The following PGD variants were observed in gnomAD, a reference collection of about 807,000 sequenced individuals.
The protein encoded by PGD is 6-phosphogluconate dehydrogenase, decarboxylating.
A neutral mutation model predicts 60.4 loss-of-function variants in PGD; 21 were observed. The observed-to-expected ratio is 0.35, with a 90% CI of 0.25 to 0.50. The LOEUF is 0.50. Ranked by LOEUF, PGD falls within the 20% of genes least tolerant of loss-of-function variation. The pLI is 0.98. For synonymous variants in PGD, 230 were observed against 235.9 expected, an observed-to-expected ratio of 0.97 and a Z score of 0.23; for missense variants, 477 against 613.1, an observed-to-expected ratio of 0.78 and a Z score of 2.34.
intron 8 of PGD, chr1:10,415,262 G>A (rs543275600): frequency 3.3e-5 from 5 of 152,258 alleles, no homozygotes; most frequent in South Asian, 4.1e-4. Context: ...GAGGAAAGTC[G>A]GTGGTTTCTA....
In PGD at chr1:10,417,106, G is replaced by T; in HGVS notation, c.964G>T (p.Asp322Tyr). 6.2e-7 allele frequency: 1 copy of T among 1,614,010 alleles called. No homozygotes were observed. The highest frequency in any genetic ancestry group is 1.1e-5 in the South Asian group (1 of 91,048). Reference protein sequence around the residue: ...FDGDKKSFLEDIRKALYASKI... With the variant: ...FDGDKKSFLEYIRKALYASKI... ...TGGTGATAAGAAATCATTCCTGGAG[G>T]ACATTCGGAAGGTGGGACACAGTCC... Residue 322 changes from aspartate to tyrosine, a missense_variant, in exon 9 of 13, where the codon GAC becomes TAC. Transcript: ENST00000270776.
rs1052269930 is a variant in PGD at position 10,419,506 on chromosome 1, C to T, written c.1299C>T (p.Tyr433=). The change falls in exon 12 of 13, where the codon TAC becomes TAT. Residue 433 remains tyrosine, a synonymous_variant. Transcript: ENST00000270776. ...FTTALSFYDG[Y]RHEMLPASLI... The stretch of plus-strand genomic sequence containing the variant: ...CTGCCCTCTCCTTCTATGACGGGTA[C>T]AGACATGAGATGCTTCCAGCCAGCC... 2.4e-5 allele frequency: 39 copies of T among 1,614,114 alleles called. No individual in the cohort carries two copies. Among genetic ancestry groups the T allele is most frequent in the Non-Finnish European group, 3.2e-5 (38 of 1,180,058 alleles).
At chr1:10,415,404 G>A (rs1352620300) in intron 8 of PGD, 2 of 152,174 alleles carry the variant, frequency 1.3e-5, no homozygotes, top group African/African-American at 2.4e-5. Context: ...TAAGTATTAG[G>A]ATCTCAGAAT....
In PGD at chr1:10,412,771, A is replaced by C. The variant is rs1433330217; in HGVS notation, c.655-291A>C. 3 of 297,452 alleles carry C rather than the reference A, an allele frequency of 1.0e-5. No individual in the cohort carries two copies. The East Asian group carries it at 1.8e-4, about 18-fold the overall frequency. The allele number at this position is 297,452 out of a possible 1,614,324, so 18.4% of individuals were successfully genotyped here. ...TGGGACAAGATCCGGTGATTGCAGA[A>C]GGCTTCTGAGGAGGCGACACTGCAC... On this transcript the variant is annotated intron_variant, in intron 7 of 12. Transcript: ENST00000270776.
chr1:10,417,286 A>C (rs1296579343), intron 9 of PGD, 90 bp from the exon 10 acceptor site: 5 of 1,462,262 alleles, frequency 3.4e-6, no homozygotes, highest in Non-Finnish European at 4.7e-6. Context: ...CCCTTCTGGG[A>C]TCTCCACTGC....
chr1:10,402,194 C>A (rs1639327138), intron 3 of PGD, among the ~76,000 whole-genome samples: 1 of 152,070 alleles, frequency 6.6e-6, no homozygotes, highest in Non-Finnish European at 1.5e-5. Context: ...TTTACTGAAT[C>A]CCCACTCTCT....
chr1:10,399,915 C>T (rs1187347865), intron 2 of PGD: 6 of 595,840 alleles, frequency 1.0e-5, no homozygotes, highest in South Asian at 9.7e-5. Context: ...CCTGTGGGTC[C>T]GTGAGGTTCA....
chr1:10,419,715 G>A lies in PGD; in HGVS notation c.1418G>A (p.Gly473Asp). 6.2e-7 allele frequency: 1 copy of A among 1,614,238 alleles called. No homozygotes were observed. The highest frequency in any genetic ancestry group is 8.5e-7 in the Non-Finnish European group (1 of 1,180,050). ...QFIHTNWTGHGGTVSSSSYNA is the reference protein window; with the variant it reads ...QFIHTNWTGHDGTVSSSSYNA ...ATCCACACCAACTGGACAGGCCATG[G>A]TGGCACCGTGTCATCCTCGTCATAC... is the stretch of plus-strand genomic sequence containing the variant. The change falls in exon 13 of 13, where the codon GGT (glycine) becomes GAT (aspartate). Residue 473 changes from glycine to aspartate, a missense_variant. Gly to Asp is a moderately conservative substitution (Grantham distance 94). Transcript: ENST00000270776.
chr1:10,406,597 C>A (rs936893891), intron 5 of PGD, among the ~76,000 whole-genome samples: 1 of 152,130 alleles, frequency 6.6e-6, no homozygotes, highest in African/African-American at 2.4e-5. Context: ...TGAAGCTCTG[C>A]GGTTTCCGGT....
intron 1 of PGD, 72 bp from the exon 2 acceptor site, chr1:10,399,557 G>A: frequency 1.5e-6 from 2 of 1,363,050 alleles, no homozygotes; most frequent in Non-Finnish European, 2.1e-6. Context: ...AAATGTGGAA[G>A]GACCGGACCC....
At chr1:10,405,066 CA>C (rs2102388298) in intron 5 of PGD, among the ~76,000 whole-genome samples, 1 of 152,224 alleles carries the variant, frequency 6.6e-6, no homozygotes, top group East Asian at 1.9e-4. Flanking sequence ...GTAAAACAAA[CA>C]TTTTTTTAAT....
intron 6 of PGD, among the ~76,000 whole-genome samples, chr1:10,410,436 C>T (rs1004250871): frequency 6.6e-6 from 1 of 150,934 alleles, no homozygotes; most frequent in Non-Finnish European, 1.5e-5. Context: ...AGCGAGACTC[C>T]GTTTCAAAAA....
chr1:10,402,596 C>T (rs756061281), intron 3 of PGD, among the ~76,000 whole-genome samples: 9 of 151,502 alleles, frequency 5.9e-5, no homozygotes, highest in African/African-American at 1.2e-4. Context: ...GATCTCAGCT[C>T]ACTGCAAGCT....
chr1:10,414,874 C>G (rs1254898040), intron 8 of PGD, among the ~76,000 whole-genome samples: 1 of 151,528 alleles, frequency 6.6e-6, no homozygotes, highest in Non-Finnish European at 1.5e-5. Context: ...GGGCGGATCA[C>G]GAGGTCAGGA....
intron 5 of PGD, among the ~76,000 whole-genome samples, chr1:10,406,323 G>C (rs989257105): frequency 1.3e-5 from 2 of 151,986 alleles, no homozygotes; most frequent in Non-Finnish European, 2.9e-5. Flanking sequence ...ACTGAGGTGA[G>C]AGAACTGCTT....
intron 5 of PGD, among the ~76,000 whole-genome samples, chr1:10,406,421 G>A (rs190790786): frequency 5.3e-4 from 81 of 152,098 alleles, no homozygotes; most frequent in Non-Finnish European, 8.8e-4. Context: ...TACTTATCTC[G>A]AAGCACCTGC....
chr1:10,411,809 C>T (rs1356273432), intron 7 of PGD, among the ~76,000 whole-genome samples: 1 of 152,236 alleles, frequency 6.6e-6, no homozygotes, highest in East Asian at 1.9e-4. Flanking sequence ...CACTGTGTCA[C>T]TCCACATACC....
In PGD at chr1:10,413,261, T is replaced by G. The variant is rs755159228; in HGVS notation, c.844+10T>G. On this transcript the variant is annotated intron_variant, in intron 8 of 12. Transcript: ENST00000270776. ...CCCGTCACCCTCATTGGTAATGTTA[T>G]GCTTTTCACATGGGCCCTTTCGTCC... The G allele has an allele frequency of 6.2e-7, 1 of 1,610,882 alleles. No individual in the cohort carries two copies. The highest frequency in any genetic ancestry group is 8.5e-7 in the Non-Finnish European group (1 of 1,177,274).
At chr1:10,409,649 C>CT (rs543426528) in intron 6 of PGD, among the ~76,000 whole-genome samples, 2,791 of 75,250 alleles carry the variant, frequency 0.037, 297 homozygotes, top group African/African-American at 0.09. Flanking sequence ...GTGGTAGCAA[C>CT]TTTTTTTTTT....
Sources: allele counts gnomAD v4.1 joint callset (sites outside exome capture counted in the v4.1 genomes callset), GRCh38; gene constraint gnomAD v4.1.1; transcripts MANE v1.5; gene names NCBI Gene and HGNC (gene_info 2026-07-23, HGNC 2026-07-21).